The following ADAM22 variants were observed in gnomAD, a reference collection of about 807,000 sequenced individuals.
The protein encoded by ADAM22 is ADAM metallopeptidase domain 22, also known as disintegrin and metalloproteinase domain-containing protein 22.
A neutral mutation model predicts 144.6 loss-of-function variants in ADAM22; 65 were observed. The ratio of observed to expected loss-of-function variants is 0.45; its 90% confidence interval spans 0.37 to 0.55. ADAM22 has a LOEUF of 0.55. Ranked by LOEUF, ADAM22 falls within the 20% of genes least tolerant of loss-of-function variation. The probability of loss-of-function intolerance (pLI) is 0.00; values close to 1 mark genes in which losing one functional copy is unlikely to be tolerated. For missense variants in ADAM22, 974 were observed against 1,184.9 expected (o/e 0.82, Z 2.61); for synonymous variants, 391 against 412.6 (o/e 0.95, Z 0.63).
chr7:87,960,344 C>T (rs1847754724), intron 2 of ADAM22, among the ~76,000 whole-genome samples: 1 of 151,344 alleles, frequency 6.6e-6, no homozygotes, highest in African/African-American at 2.4e-5. Context: ...GCTCCAAGTG[C>T]AGATAGTATT....
intron 2 of ADAM22, chr7:87,964,622 A>G (rs1848647989): frequency 2.4e-6 from 1 of 414,676 alleles, no homozygotes; most frequent in East Asian, 7.6e-5. Flanking sequence ...TACTCATTTA[A>G]TTTTTTTTTA....
At chr7:87,954,173 G>C (rs992913663) in intron 2 of ADAM22, among the ~76,000 whole-genome samples, 66 of 151,652 alleles carry the variant, frequency 4.4e-4, no homozygotes, top group African/African-American at 1.4e-3. Flanking sequence ...GTGTGAATTT[G>C]ATCCTTTTAT....
intron 21 of ADAM22, among the ~76,000 whole-genome samples, chr7:88,154,706 A>G (rs961419229): frequency 3.9e-5 from 6 of 152,140 alleles, no homozygotes; most frequent in Non-Finnish European, 8.8e-5. Flanking sequence ...AATGACATTC[A>G]AAAAAGTTTT....
In ADAM22 at chr7:87,942,342, C is replaced by CA. The variant is rs200243224; in HGVS notation, c.246+7163dup. On this transcript the variant is annotated intron_variant, in intron 2 of 31. Transcript: ENST00000413139. ...GATGTACATTAATTCATTGCGTCCT[C>CA]AAAAAAATCATGTGTGACAGGTAAT... 5.3e-4 allele frequency among the ~76,000 whole-genome samples: 80 copies of CA among 152,190 alleles called. 1 individual carries two copies. The East Asian group carries it at 0.013, about 25-fold the overall frequency.
At chr7:88,049,523 C>T (rs1187747217) in intron 3 of ADAM22, among the ~76,000 whole-genome samples, 1 of 152,118 alleles carries the variant, frequency 6.6e-6, no homozygotes, top group Non-Finnish European at 1.5e-5. Context: ...CTCAGCCTCC[C>T]GAGTAGCTGG....
At chr7:88,169,125 A>G (rs770977802) in intron 25 of ADAM22, among the ~76,000 whole-genome samples, 2 of 152,130 alleles carry the variant, frequency 1.3e-5, no homozygotes, top group Non-Finnish European at 2.9e-5. Context: ...AAACATCTTT[A>G]TAGTGTACAT....
At chr7:88,007,594 G>A (rs1054851978) in intron 3 of ADAM22, among the ~76,000 whole-genome samples, 177 of 152,038 alleles carry the variant, frequency 1.2e-3, no homozygotes, top group Non-Finnish European at 2.3e-3. Context: ...AAATAACGCC[G>A]CATATCTACA....
rs1207481524 is a variant in ADAM22, at chr7:88,200,498, T to G, written c.*4007T>G. ...CTGGATGCCCACATGGGCAGCGTGT[T>G]GTAAATATCACCCTACCAGTTGGTA... is the stretch of plus-strand genomic sequence containing the variant. On this transcript the variant is annotated 3_prime_UTR_variant, in exon 32 of 32. Coordinates refer to ENST00000413139, the MANE Select transcript of ADAM22 (RefSeq NM_001324418.2). The G allele has an allele frequency of 6.6e-6, 1 of 152,250 alleles. No homozygotes were observed. 9.4% of individuals were successfully genotyped at this position (152,250 alleles called of 1,614,324 possible).
intron 3 of ADAM22, among the ~76,000 whole-genome samples, chr7:88,061,771 C>T (rs1391956935): frequency 6.6e-6 from 1 of 151,346 alleles, no homozygotes; most frequent in Non-Finnish European, 1.5e-5. Context: ...TGAGTATTGG[C>T]TTAAAGTCAC....
intron 11 of ADAM22, chr7:88,132,222 T>C (rs1001158429): frequency 6.6e-5 from 10 of 152,074 alleles, no homozygotes; most frequent in African/African-American, 1.9e-4. Context: ...TATTAAATAG[T>C]ATATATTCTC....
In ADAM22 at chr7:88,202,488, G is replaced by A. The variant is rs1445032562; in HGVS notation, c.*5997G>A. The A allele has an allele frequency of 1.3e-5, 2 of 152,186 alleles. No individual in the cohort carries two copies. The highest frequency in any genetic ancestry group is 1.5e-5 in the Non-Finnish European group (1 of 68,042). 9.4% of individuals were successfully genotyped at this position (152,186 alleles called of 1,614,324 possible). The stretch of plus-strand genomic sequence containing the variant: ...AGTGGAAGCCACCCCATGAGGAGGT[G>A]TTAATAGCAGCATGGTTTCACTTTT... On this transcript the variant is annotated 3_prime_UTR_variant, in exon 32 of 32. Coordinates refer to ENST00000413139, the MANE Select transcript of ADAM22 (RefSeq NM_001324418.2).
At chr7:88,091,215 C>T (rs1819757534) in intron 4 of ADAM22, among the ~76,000 whole-genome samples, 1 of 152,186 alleles carries the variant, frequency 6.6e-6, no homozygotes. Flanking sequence ...AAGAGTTAAC[C>T]TTTTCTCCTT....
chr7:88,023,063 C>A (rs1312720550), intron 3 of ADAM22, among the ~76,000 whole-genome samples: 1 of 152,162 alleles, frequency 6.6e-6, no homozygotes, highest in Non-Finnish European at 1.5e-5. Context: ...TGAAACCTGA[C>A]TTAACCAAAA....
chr7:87,979,078 C>T (rs983134090), intron 3 of ADAM22, among the ~76,000 whole-genome samples: 2 of 152,134 alleles, frequency 1.3e-5, no homozygotes, highest in Non-Finnish European at 1.5e-5. Flanking sequence ...TGATCATGGG[C>T]AAGTGGGCAG....
intron 3 of ADAM22, among the ~76,000 whole-genome samples, chr7:87,995,878 A>G (rs1791084189): frequency 6.6e-6 from 1 of 152,230 alleles, no homozygotes; most frequent in African/African-American, 2.4e-5. Flanking sequence ...ATATTCTAAT[A>G]AAGATAGTAT....
chr7:88,151,164 C>T (rs1838237939), intron 19 of ADAM22, 93 bp from the exon 20 acceptor site: 2 of 1,532,746 alleles, frequency 1.3e-6, no homozygotes, highest in South Asian at 2.2e-5. Context: ...CTCTACTATT[C>T]ATCTATTATT....
At chr7:87,990,104 ACT>A (rs1789436064) in intron 3 of ADAM22, among the ~76,000 whole-genome samples, 2 of 152,170 alleles carry the variant, frequency 1.3e-5, no homozygotes, top group South Asian at 4.2e-4. Context: ...TATAGAGTAC[ACT>A]TGATGTACTC....
At chr7:88,110,587 C>A (rs1040697132) in intron 5 of ADAM22, among the ~76,000 whole-genome samples, 9 of 150,690 alleles carry the variant, frequency 6.0e-5, no homozygotes, top group African/African-American at 2.0e-4. Flanking sequence ...TTAGGCCGGG[C>A]ACGGTGGCTC....
chr7:88,021,639 C>G (rs946363530), intron 3 of ADAM22, among the ~76,000 whole-genome samples: 2 of 152,140 alleles, frequency 1.3e-5, no homozygotes, highest in Admixed American at 1.3e-4. Flanking sequence ...CTTCAATGGA[C>G]TTTTCAGTGG....
Sources: gnomAD v4.1 joint callset for allele counts (sites outside exome capture counted in the v4.1 genomes callset) on GRCh38, gnomAD v4.1.1 for gene constraint, MANE v1.5 for transcripts, NCBI Gene and HGNC (gene_info 2026-07-23, HGNC 2026-07-21) for gene names.